The following RAD51B variants were observed in gnomAD, a reference collection of about 807,000 sequenced individuals.
RAD51B encodes the protein RAD51 paralog B.
In RAD51B, 38 loss-of-function variants were observed where a neutral mutation model predicts 42.2. The ratio of observed to expected loss-of-function variants is 0.90; its 90% CI spans 0.70 to 1.18. RAD51B has a LOEUF of 1.18. RAD51B is among the 50% of genes most tolerant of loss of function. The pLI, the probability that RAD51B is intolerant of heterozygous loss-of-function variation, is 0.00. For synonymous variants in RAD51B, 154 were observed against 145.2 expected (o/e 1.06, Z -0.43); for missense variants, 373 against 400.7 (o/e 0.93, Z 0.59).
At chr14:68,651,938 C>G (rs1470544595) in intron 11 of RAD51B, among the ~76,000 whole-genome samples, 10 of 152,130 alleles carry the variant, frequency 6.6e-5, no homozygotes, top group Admixed American at 1.3e-4. Context: ...CCACCTGGCA[C>G]GCCCAGCGCC....
At chr14:68,428,714 T>C (rs1409435430) in intron 9 of RAD51B, among the ~76,000 whole-genome samples, 31 of 1,358 alleles carry the variant, frequency 0.023, no homozygotes, top group Non-Finnish European at 0.05. Context: ...TCTTTATATA[T>C]ATATATATAT....
intron 4 of RAD51B, among the ~76,000 whole-genome samples, chr14:67,850,524 G>A (rs963900506): frequency 6.6e-6 from 1 of 152,124 alleles, no homozygotes; most frequent in African/African-American, 2.4e-5. Context: ...GATGCTTACG[G>A]GTGAGAGTCA....
At chr14:68,089,713 T>C (rs1227442497) in intron 7 of RAD51B, among the ~76,000 whole-genome samples, 1 of 152,192 alleles carries the variant, frequency 6.6e-6, no homozygotes, top group Non-Finnish European at 1.5e-5. Flanking sequence ...GTTCTTTTGG[T>C]AGCCTCAGTG....
intron 9 of RAD51B, among the ~76,000 whole-genome samples, chr14:68,417,589 C>G (rs2140098605): frequency 6.6e-6 from 1 of 152,280 alleles, no homozygotes; most frequent in East Asian, 1.9e-4. Flanking sequence ...GCACTAGGCA[C>G]TAGGCAAATG....
intron 7 of RAD51B, among the ~76,000 whole-genome samples, chr14:68,083,340 T>A (rs996070119): frequency 2.6e-5 from 4 of 152,224 alleles, no homozygotes; most frequent in African/African-American, 9.6e-5. Flanking sequence ...AGTAACTGGA[T>A]GCAATAATCA....
At chr14:68,184,679 G>A (rs1462678963) in intron 7 of RAD51B, among the ~76,000 whole-genome samples, 4 of 141,354 alleles carry the variant, frequency 2.8e-5, no homozygotes, top group African/African-American at 5.2e-5. Flanking sequence ...GAGTTAAAAA[G>A]AATCTTAAAA....
At chr14:68,594,545 C>T (rs1890906521) in exon 11 of RAD51B, 1 of 1,340,990 alleles carries the variant, frequency 7.5e-7, no homozygotes, top group Non-Finnish European at 9.8e-7. Context: ...ATCCTCCCAC[C>T]TCAGCCTCCT....
chr14:68,588,832 C>T (rs1208281560), intron 10 of RAD51B, among the ~76,000 whole-genome samples: 1 of 152,148 alleles, frequency 6.6e-6, no homozygotes, highest in Non-Finnish European at 1.5e-5. Flanking sequence ...TACTGCTTTC[C>T]CAAGCTAATG....
chr14:68,368,301 C>G (rs2083183930), intron 8 of RAD51B, among the ~76,000 whole-genome samples: 1 of 152,166 alleles, frequency 6.6e-6, no homozygotes, highest in South Asian at 2.1e-4. Flanking sequence ...CTCAGAATCC[C>G]ACAGCCAGTG....
At chr14:68,264,654 G>A (rs1006970555) in intron 7 of RAD51B, among the ~76,000 whole-genome samples, 2 of 152,194 alleles carry the variant, frequency 1.3e-5, no homozygotes, top group Admixed American at 1.3e-4. Flanking sequence ...ATGGAGCCTT[G>A]AGATAGTTAT....
chr14:68,076,808 G>A (rs2076840648), intron 7 of RAD51B, among the ~76,000 whole-genome samples: 1 of 152,080 alleles, frequency 6.6e-6, no homozygotes, highest in African/African-American at 2.4e-5. Context: ...ACCCAAAAGT[G>A]TAATTTTCAT....
At chr14:68,614,164 G>A (rs1330579624), downstream of RAD51B, among the ~76,000 whole-genome samples, 1 of 152,180 alleles carries the variant, frequency 6.6e-6, no homozygotes, top group Non-Finnish European at 1.5e-5. Context: ...CTCAGAGGCA[G>A]CCTGGTAGCA....
At chr14:68,610,919 G>T (rs1891656234) in intron 10 of RAD51B, 1 of 628,834 alleles carries the variant, frequency 1.6e-6, no homozygotes, top group Non-Finnish European at 2.9e-6. Context: ...TGCAGGCCAT[G>T]AACAGTTATT....
At chr14:68,605,919 G>C (rs1891427475) in intron 10 of RAD51B, among the ~76,000 whole-genome samples, 1 of 152,222 alleles carries the variant, frequency 6.6e-6, no homozygotes, top group South Asian at 2.1e-4. Context: ...GGTAGGTAGA[G>C]GGTAGGGGAC....
chr14:67,888,822 C>T lies in RAD51B; in HGVS notation c.756+1618C>T, dbSNP rs371348354. ...ATTTTATATGAGGGACTTGAGCATC[C>T]GTGGATTATGGTATCTGCAGAGGAG... On this transcript the variant is annotated intron_variant, in intron 7 of 10. Coordinates refer to ENST00000471583, the MANE Select transcript of RAD51B (RefSeq NM_133510.4). 7.2e-5 allele frequency among the ~76,000 whole-genome samples: 11 copies of T among 152,154 alleles called. 1 individual carries two copies. The highest frequency in any genetic ancestry group is 2.2e-4 in the African/African-American group (9 of 41,512).
At position 67,881,105 on chromosome 14, in the gene RAD51B, T is replaced by G. The variant is rs2140038482; in HGVS notation, c.453-4764T>G. The stretch of plus-strand genomic sequence containing the variant: ...TGAATAGGCAATTACAACACAATGG[T>G]AAGTATTTGTGTATCTAAACAAAGG... On this transcript the variant is annotated intron_variant, in intron 5 of 10. Transcript: ENST00000471583. Among the ~76,000 whole-genome samples, 3 of 152,348 alleles carry G rather than the reference T, an allele frequency of 2.0e-5. No individual in the cohort carries two copies. The Middle Eastern group carries it at 0.01, about 518-fold the overall frequency.
chr14:68,129,477 G>A (rs951994315), intron 7 of RAD51B, among the ~76,000 whole-genome samples: 3 of 151,958 alleles, frequency 2.0e-5, no homozygotes, highest in Middle Eastern at 3.4e-3. Flanking sequence ...ATACCACAGG[G>A]CAACAGCAGT....
intron 10 of RAD51B, among the ~76,000 whole-genome samples, chr14:68,619,629 T>G (rs1330254566): frequency 6.6e-6 from 1 of 152,114 alleles, no homozygotes; most frequent in Non-Finnish European, 1.5e-5. Context: ...ACCAAAGGTA[T>G]GGTGGAAGGA....
Position 68,609,581 on chromosome 14 carries a change from G to A in RAD51B, c.1037-1425G>A, listed in dbSNP as rs17106003. Among the ~76,000 whole-genome samples the A allele has an allele frequency of 1.1e-3, 172 of 152,272 alleles. 2 individuals are homozygous for A. Among genetic ancestry groups the A allele is most frequent in the African/African-American group, 3.5e-3 (147 of 41,538 alleles). ...GTGTCTTCCACACCAAGTGGCCGCC[G>A]TCCTCAGCCTGGACCGGAAGCTGTG... On this transcript the variant is annotated intron_variant, in intron 10 of 10. Coordinates refer to the RAD51B transcript ENST00000487861.
Sources: gnomAD v4.1 joint callset for allele counts (sites outside exome capture counted in the v4.1 genomes callset) on GRCh38, gnomAD v4.1.1 for gene constraint, MANE v1.5 for transcripts, NCBI Gene and HGNC (gene_info 2026-07-23, HGNC 2026-07-21) for gene names.